CPM: variants seen among roughly 807,000 people sequenced by gnomAD.
CPM encodes renal carboxypeptidase.
A neutral mutation model predicts 46.4 loss-of-function variants in CPM; 35 were observed. The observed-to-expected ratio is 0.75, with a 90% confidence interval of 0.58 to 1.00. The LOEUF (loss-of-function observed/expected upper bound fraction) is 1.00. Ranked by LOEUF, CPM falls within the 50% of genes least tolerant of loss-of-function variation. CPM has a pLI of 0.00. For missense variants in CPM, 422 were observed against 530.4 expected (o/e 0.80, Z 2.01); for synonymous variants, 195 against 195.3 (o/e 1.00, Z 0.01).
chr12:68,912,397 C>A (rs1270957981), intron 2 of CPM, among the ~76,000 whole-genome samples: 1 of 152,086 alleles, frequency 6.6e-6, no homozygotes, highest in Non-Finnish European at 1.5e-5. Flanking sequence ...AATTTCAATA[C>A]CTGATACCAC....
intron 3 of CPM, among the ~76,000 whole-genome samples, chr12:68,878,833 T>C (rs138805775): frequency 4.5e-4 from 68 of 152,292 alleles, no homozygotes; most frequent in Non-Finnish European, 1.2e-4. Context: ...AAATACTTCA[T>C]TGCTCTTTAA....
intron 2 of CPM, among the ~76,000 whole-genome samples, chr12:68,904,564 A>G (rs553217725): frequency 1.6e-4 from 24 of 152,244 alleles, no homozygotes; most frequent in Admixed American, 9.8e-4. Context: ...ACATTGCTCA[A>G]TACATCAGCA....
At chr12:68,845,218 T>G in intron 5 of CPM, 1 of 218,462 alleles carries the variant, frequency 4.6e-6, no homozygotes, top group Non-Finnish European at 9.2e-6. Context: ...AAAGAAAAAG[T>G]ATTTCTTCAG....
Position 68,928,166 on chromosome 12 carries a change from A to G in CPM, c.160+4512T>C, listed in dbSNP as rs574207569. On this transcript the variant is annotated intron_variant, in intron 2 of 8. Transcript: ENST00000551568. ...CAAAACAGCATGGTACTGGTACCAA[A>G]GCAGAGATATAAATCAATGGAACAG... Among the ~76,000 whole-genome samples, 25 of 152,370 alleles carry G rather than the reference A, an allele frequency of 1.6e-4. No homozygotes were observed. The South Asian group carries it at 5.2e-3, about 32-fold the overall frequency.
At position 68,930,642 on chromosome 12, in the gene CPM, G is replaced by A. The variant is rs182521817; in HGVS notation, c.160+2036C>T. 3.9e-5 allele frequency among the ~76,000 whole-genome samples: 6 copies of A among 152,310 alleles called. No individual in the cohort carries two copies. In the East Asian group the frequency reaches 1.2e-3, roughly 29 times the overall value. On this transcript the variant is annotated intron_variant, in intron 2 of 8. Coordinates refer to ENST00000551568, the MANE Select transcript of CPM (RefSeq NM_198320.5). ...ATTCAACACAAATATTTAACCACTA[G>A]TGTCAGATTTTATTTTTACATGATA... is the stretch of plus-strand genomic sequence containing the variant.
chr12:68,896,243 C>T (rs1886870948), intron 2 of CPM, among the ~76,000 whole-genome samples: 1 of 152,186 alleles, frequency 6.6e-6, no homozygotes, highest in Non-Finnish European at 1.5e-5. Flanking sequence ...AAGCCTCCTG[C>T]CATCCAACAC....
intron 5 of CPM, chr12:68,845,619 A>T (rs543065388): frequency 8.0e-4 from 141 of 176,986 alleles, no homozygotes; most frequent in Middle Eastern, 6.6e-3. Flanking sequence ...TAAAGACTTT[A>T]AAAAAAATTC....
At chr12:68,933,984 G>T (rs758109063), upstream of CPM, among the ~76,000 whole-genome samples, 11 of 152,172 alleles carry the variant, frequency 7.2e-5, no homozygotes, top group Non-Finnish European at 1.6e-4. Context: ...CTGGAAGGAT[G>T]GCATGGTCTC....
At chr12:68,863,667 G>C (rs1258072196) in intron 7 of CPM, among the ~76,000 whole-genome samples, 1 of 152,174 alleles carries the variant, frequency 6.6e-6, no homozygotes, top group African/African-American at 2.4e-5. Flanking sequence ...AACATCGCCA[G>C]ATGACAAAAC....
At position 68,903,879 on chromosome 12, in the gene CPM, A is replaced by ATTCTTTCTTTCT. The variant is rs59823463; in HGVS notation, c.161-18002_161-17991dup. On this transcript the variant is annotated intron_variant, in intron 2 of 8. Transcript: ENST00000551568. ...CTTCTTCCCTCCCTCCCTTTCTCTC[A>ATTCTTTCTTTCT]TTCTTTCTTTCTTTCTTTCTTTCTT... 3.1e-3 allele frequency among the ~76,000 whole-genome samples: 434 copies of ATTCTTTCTTTCT among 140,042 alleles called. 2 individuals are homozygous for ATTCTTTCTTTCT. Among genetic ancestry groups the ATTCTTTCTTTCT allele is most frequent in the African/African-American group, 0.011 (409 of 37,888 alleles). 91.9% of individuals were successfully genotyped at this position (140,042 alleles called of 152,430 possible).
At chr12:68,948,724 A>G (rs1019075869) in intron 1 of CPM, among the ~76,000 whole-genome samples, 7 of 152,208 alleles carry the variant, frequency 4.6e-5, no homozygotes, top group African/African-American at 1.7e-4. Flanking sequence ...ATTGCAATTA[A>G]GGGTAATTCA....
intron 2 of CPM, among the ~76,000 whole-genome samples, chr12:68,904,541 C>T (rs766046341): frequency 1.5e-4 from 23 of 152,344 alleles, no homozygotes; most frequent in African/African-American, 4.3e-4. Context: ...CAACAAGATT[C>T]GCCAAGGTTT....
At chr12:68,932,530 A>G in intron 2 of CPM, 148 bp downstream of exon 2, 3 of 887,032 alleles carry the variant, frequency 3.4e-6, no homozygotes, top group Non-Finnish European at 5.0e-6. Flanking sequence ...AAAAGCAGAA[A>G]ACAACCAACA....
chr12:68,861,592 C>T (rs1345964105), intron 7 of CPM, among the ~76,000 whole-genome samples: 1 of 151,292 alleles, frequency 6.6e-6, no homozygotes, highest in Non-Finnish European at 1.5e-5. Flanking sequence ...TGCAATGGCG[C>T]GATCTCAGCT....
At chr12:68,962,165 A>G (rs552780941) in intron 1 of CPM, among the ~76,000 whole-genome samples, 1 of 148,342 alleles carries the variant, frequency 6.7e-6, no homozygotes, top group Non-Finnish European at 1.5e-5. Context: ...GCGCCACTGC[A>G]CTCCAGCCTG....
downstream of CPM, chr12:68,847,829 A>G (rs996337243): frequency 1.3e-5 from 2 of 152,216 alleles, no homozygotes; most frequent in African/African-American, 2.4e-5. Flanking sequence ...GAAAGCAACT[A>G]TCAAGTTCTT....
chr12:68,957,726 T>C (rs574431152), intron 1 of CPM: 1 of 152,258 alleles, frequency 6.6e-6, no homozygotes, highest in African/African-American at 2.4e-5. Context: ...AGTTCTAGGG[T>C]ACATGTGCAC....
intron 1 of CPM, among the ~76,000 whole-genome samples, chr12:68,949,091 T>A (rs1344977215): frequency 6.6e-6 from 1 of 152,198 alleles, no homozygotes; most frequent in Non-Finnish European, 1.5e-5. Context: ...TTGTTAGAAG[T>A]ACAGATTCTG....
upstream of CPM, among the ~76,000 whole-genome samples, chr12:68,934,173 A>G (rs1888624820): frequency 6.6e-6 from 1 of 150,416 alleles, no homozygotes; most frequent in Non-Finnish European, 1.5e-5. Context: ...TAACCGTGTC[A>G]GGGTATTGGG....
Sources: allele counts gnomAD v4.1 joint callset (sites outside exome capture counted in the v4.1 genomes callset), GRCh38; gene constraint gnomAD v4.1.1; transcripts MANE v1.5; gene names NCBI Gene and HGNC (gene_info 2026-07-23, HGNC 2026-07-21).